Variants in SV2C observed in about 807,000 individuals in gnomAD.
The protein encoded by SV2C is solute carrier family 22 member B3.
Under a neutral mutation model 79.7 loss-of-function variants are expected in SV2C, and 49 were observed. That is an observed-to-expected ratio of 0.61 (90% CI 0.49 to 0.78). The LOEUF (loss-of-function observed/expected upper bound fraction) is 0.78, where lower values mean the gene tolerates loss of function less well. Ranked by LOEUF, SV2C falls within the 30% of genes least tolerant of loss-of-function variation. The pLI is 0.00. For missense variants in SV2C, 833 were observed against 912.9 expected, an observed-to-expected ratio of 0.91 and a Z score of 1.13; for synonymous variants, 334 against 333.2, an observed-to-expected ratio of 1.00 and a Z score of -0.03.
chr5:76,132,406 A>G, intron 2 of SV2C, 76 bp downstream of exon 2: 1 of 1,396,464 alleles, frequency 7.2e-7, no homozygotes. Context: ...ATAGAGAATA[A>G]ATACTTTTCA....
chr5:75,917,893 C>G, the SV2C span, among the ~76,000 whole-genome samples: 53 of 152,244 alleles, frequency 3.5e-4, no homozygotes, highest in African/African-American at 1.3e-3. Context: ...GATGTTATTT[C>G]ACATTGCATG....
At chr5:76,152,492 G>C (rs1052373766) in intron 2 of SV2C, among the ~76,000 whole-genome samples, 4 of 152,178 alleles carry the variant, frequency 2.6e-5, no homozygotes, top group African/African-American at 7.2e-5. Context: ...GTCAGCTGCT[G>C]CTATCTCATT....
chr5:75,973,855 A>T, the SV2C span, among the ~76,000 whole-genome samples: 1 of 152,052 alleles, frequency 6.6e-6, no homozygotes, highest in East Asian at 1.9e-4. Flanking sequence ...AACTAACCTC[A>T]TGTCATATGA....
the SV2C span, among the ~76,000 whole-genome samples, chr5:75,940,454 G>GTTT: frequency 1.3e-5 from 2 of 151,668 alleles, no homozygotes; most frequent in Non-Finnish European, 2.9e-5. Context: ...GTCAGGTTTT[G>GTTT]TTCTTAATAT....
chr5:75,971,049 T>A, the SV2C span, among the ~76,000 whole-genome samples: 29 of 152,138 alleles, frequency 1.9e-4, no homozygotes, highest in Non-Finnish European at 3.5e-4. Context: ...TAATCCAGAA[T>A]ATAAACAGAA....
chr5:76,048,898 G>C, the SV2C span, among the ~76,000 whole-genome samples: 66 of 127,488 alleles, frequency 5.2e-4, 4 homozygotes, highest in East Asian at 0.018. Flanking sequence ...GAAGGAGAGA[G>C]GGAGGGAGGG....
intron 12 of SV2C, among the ~76,000 whole-genome samples, chr5:76,302,681 C>A (rs1748052488): frequency 6.7e-6 from 1 of 149,560 alleles, no homozygotes; most frequent in Admixed American, 6.6e-5. Context: ...AACACAGAGA[C>A]TCATATCAGA....
intron 4 of SV2C, 142 bp from the exon 5 acceptor site, chr5:76,285,020 A>T: frequency 1.6e-6 from 2 of 1,246,860 alleles, no homozygotes; most frequent in Non-Finnish European, 2.2e-6. Flanking sequence ...GCTGGCCACC[A>T]TGGATGATGC....
rs769475653 is a variant in SV2C, at chr5:76,132,109, G to C, written c.359G>C (p.Arg120Pro). 5 of 1,613,910 alleles carry C rather than the reference G, an allele frequency of 3.1e-6. No individual in the cohort carries two copies. Among genetic ancestry groups the C allele is most frequent in the Admixed American group, 1.7e-5 (1 of 60,016 alleles). The change falls in exon 2 of 13, where the codon CGG becomes CCG. Residue 120 changes from arginine (R) to proline (P), a missense_variant. Arg to Pro is a moderately radical substitution (Grantham distance 103, BLOSUM62 -2). Coordinates refer to ENST00000502798, the MANE Select transcript of SV2C (RefSeq NM_014979.4). The stretch of plus-strand genomic sequence containing the variant: ...CCCAAGGGCGATGAGTACAAGGACC[G>C]GCGGGAGCTGGAATCAGAAAGGAGA... ...GQPKGDEYKD[R>P]RELESERRAD...
the SV2C span, among the ~76,000 whole-genome samples, chr5:75,950,343 C>T: frequency 6.6e-6 from 1 of 151,962 alleles, no homozygotes; most frequent in East Asian, 1.9e-4. Context: ...ATTACCAATA[C>T]ACAATATTCT....
chr5:76,127,622 C>G (rs1478299170), intron 1 of SV2C, among the ~76,000 whole-genome samples: 1 of 152,210 alleles, frequency 6.6e-6, no homozygotes, highest in African/African-American at 2.4e-5. Context: ...CTTTCATCAT[C>G]TCTGTGCTCT....
At chr5:76,049,013 A>AAG in the SV2C span, among the ~76,000 whole-genome samples, 1 of 107,372 alleles carries the variant, frequency 9.3e-6, no homozygotes, top group African/African-American at 3.2e-5. Flanking sequence ...GAAAGAAAGA[A>AAG]AGAAAGAAAG....
At chr5:76,336,712 G>A (rs777794475), downstream of SV2C, among the ~76,000 whole-genome samples, 5 of 152,180 alleles carry the variant, frequency 3.3e-5, no homozygotes, top group South Asian at 2.1e-4. Flanking sequence ...CCAACACAGC[G>A]AAACCCCGTC....
intron 4 of SV2C, among the ~76,000 whole-genome samples, chr5:76,227,236 A>G (rs1745278963): frequency 6.6e-6 from 1 of 152,202 alleles, no homozygotes; most frequent in Non-Finnish European, 1.5e-5. Flanking sequence ...AAGACCCCAT[A>G]GTGAACAAGC....
rs965720468 is a variant in SV2C, at chr5:76,195,095, T to A, written c.757T>A (p.Phe253Ile). 6.2e-7 allele frequency: 1 copy of A among 1,613,270 alleles called. No homozygotes were observed. The highest frequency in any genetic ancestry group is 8.5e-7 in the Non-Finnish European group (1 of 1,179,754). Residue 253 changes from phenylalanine to isoleucine, a missense_variant, in exon 3 of 13, where the codon TTC becomes ATC. By Grantham distance (21) the Phe-to-Ile change is conservative (BLOSUM62 0). Transcript: ENST00000502798. The part of the protein sequence containing the change: ...FFLFCRLLSG[F>I]GIGGAIPTVF... ...TCTCTTCTGTCGCTTACTTTCTGGATTCGGGTAAGGTTTTCTCCTTCATAT... is the reference window on the plus strand; with the variant it reads ...TCTCTTCTGTCGCTTACTTTCTGGAATCGGGTAAGGTTTTCTCCTTCATAT...
intron 6 of SV2C, among the ~76,000 whole-genome samples, chr5:76,287,893 T>C (rs1747404708): frequency 6.6e-6 from 1 of 152,146 alleles, no homozygotes; most frequent in Admixed American, 6.5e-5. Flanking sequence ...GAGACCATCC[T>C]GGCCAACAAG....
intron 1 of SV2C, among the ~76,000 whole-genome samples, chr5:76,102,871 T>A (rs961134890): frequency 1.3e-5 from 2 of 152,206 alleles, no homozygotes; most frequent in Non-Finnish European, 2.9e-5. Context: ...CTTCTGTGAT[T>A]ATCACCAACC....
intron 4 of SV2C, among the ~76,000 whole-genome samples, chr5:76,260,686 T>A: frequency 6.6e-6 from 1 of 152,210 alleles, no homozygotes; most frequent in East Asian, 1.9e-4. Flanking sequence ...CCAGTACCAT[T>A]TATTAAATAG....
At chr5:75,988,699 A>G in the SV2C span, among the ~76,000 whole-genome samples, 1 of 151,998 alleles carries the variant, frequency 6.6e-6, no homozygotes, top group African/African-American at 2.4e-5. Flanking sequence ...GAGGAAACCC[A>G]GAACAAAAGG....
Sources: allele counts gnomAD v4.1 joint callset (sites outside exome capture counted in the v4.1 genomes callset), GRCh38; gene constraint gnomAD v4.1.1; transcripts MANE v1.5; gene names NCBI Gene and HGNC (gene_info 2026-07-23, HGNC 2026-07-21).